The following PTPRO variants were observed in gnomAD, a reference collection of about 807,000 sequenced individuals.
PTPRO encodes protein tyrosine phosphatase receptor type O, also known as receptor-type tyrosine-protein phosphatase O.
Under a neutral mutation model 145.2 loss-of-function variants are expected in PTPRO, and 62 were observed. That is an observed-to-expected ratio of 0.43 (90% CI 0.35 to 0.53). PTPRO has a LOEUF of 0.53. Among genes scored for constraint, PTPRO ranks in the 20% least tolerant of loss-of-function variants. The pLI is 0.01. For missense variants in PTPRO, 1,345 were observed against 1,482.7 expected, an observed-to-expected ratio of 0.91 and a Z score of 1.53; for synonymous variants, 565 against 514.7, an observed-to-expected ratio of 1.10 and a Z score of -1.32.
At chr12:15,453,080 T>A (rs542408527) in intron 1 of PTPRO, among the ~76,000 whole-genome samples, 2 of 152,280 alleles carry the variant, frequency 1.3e-5, no homozygotes, top group South Asian at 4.2e-4. Context: ...AAACCCATCA[T>A]AGAAAATAAT....
intron 1 of PTPRO, among the ~76,000 whole-genome samples, chr12:15,467,409 AGTGTGT>A (rs71042254): frequency 0.021 from 3,088 of 150,100 alleles, 115 homozygotes; most frequent in East Asian, 0.14. Flanking sequence ...GGTAGGGGTG[AGTGTGT>A]GTGTGTGTGT....
At chr12:15,403,830 C>T (rs1329887795) in intron 1 of PTPRO, among the ~76,000 whole-genome samples, 2 of 152,000 alleles carry the variant, frequency 1.3e-5, no homozygotes, top group Non-Finnish European at 2.9e-5. Flanking sequence ...GACACACACA[C>T]ACACACCAGA....
At chr12:15,481,664 A>G (rs550562357) in intron 1 of PTPRO, among the ~76,000 whole-genome samples, 1 of 152,198 alleles carries the variant, frequency 6.6e-6, no homozygotes, top group Non-Finnish European at 1.5e-5. Flanking sequence ...GTCTAGTATG[A>G]TAAGAATATT....
At chr12:15,595,510 G>T in intron 26 of PTPRO, 1 of 177,552 alleles carries the variant, frequency 5.6e-6, no homozygotes, top group Non-Finnish European at 1.2e-5. Context: ...AGAGTCTCAG[G>T]ATAGCAGAGT....
chr12:15,526,201 C>T lies in PTPRO; in HGVS notation c.2103C>T (p.Leu701=), dbSNP rs146556166. The change falls in exon 12 of 27, where the codon CTC becomes CTT. Residue 701 remains leucine (L), a synonymous_variant. Transcript: ENST00000281171. ...TGCCTCCAGGCGACATCTATAACCT[C>T]TCAGTAACTGCTTGTACTGAAAGAG... The part of the protein sequence containing the change: ...LSLPPGDIYN[L]SVTACTERGS... 5.2e-5 allele frequency: 84 copies of T among 1,613,834 alleles called. No homozygotes were observed. The African/African-American group carries it at 8.3e-4, about 16-fold the overall frequency.
intron 1 of PTPRO, among the ~76,000 whole-genome samples, chr12:15,352,978 T>C (rs547600884): frequency 6.6e-6 from 1 of 152,214 alleles, no homozygotes; most frequent in Non-Finnish European, 1.5e-5. Flanking sequence ...GGAAAATATG[T>C]CTTAGGAATA....
intron 17 of PTPRO, among the ~76,000 whole-genome samples, chr12:15,561,624 A>G (rs1943774912): frequency 6.6e-6 from 1 of 152,120 alleles, no homozygotes; most frequent in Non-Finnish European, 1.5e-5. Flanking sequence ...TATTTTCAGT[A>G]TTTGACATCA....
chr12:15,568,428 TCAAAACAAAA>T lies in PTPRO; in HGVS notation c.2748-963_2748-954del, dbSNP rs10524989. On this transcript the variant is annotated intron_variant, in intron 18 of 26. Transcript: ENST00000281171. ...CTGGGTGACAGAGTGAGACTCTGTC[TCAAAACAAAA>T]CAAAACAAAACAAAACAAAACAAAA... Among the ~76,000 whole-genome samples the T allele has an allele frequency of 2.6e-3, 389 of 149,482 alleles. 1 individual carries two copies. Among genetic ancestry groups the T allele is most frequent in the Non-Finnish European group, 4.1e-3 (274 of 67,348 alleles).
At position 15,560,207 on chromosome 12, in the gene PTPRO, T is replaced by A. The variant is rs781629742; in HGVS notation, c.2642T>A (p.Phe881Tyr). 2 of 1,590,704 alleles carry A rather than the reference T, an allele frequency of 1.3e-6. No homozygotes were observed. The highest frequency in any genetic ancestry group is 2.7e-5 in the African/African-American group (2 of 74,434). ...AATGCACACAGGCGTAGGAGTATATTTGCTTTCTTAACCCTGCTACCCTCA... is the reference window on the plus strand; with the variant it reads ...AATGCACACAGGCGTAGGAGTATATATGCTTTCTTAACCCTGCTACCCTCA... Reference protein sequence around the residue: ...KLPYNWRRSIFAFLTLLPSCL... With the variant: ...KLPYNWRRSIYAFLTLLPSCL... The change falls in exon 17 of 27, where the codon TTT (phenylalanine) becomes TAT (tyrosine). Residue 881 changes from phenylalanine to tyrosine, a missense_variant. By Grantham distance (22) the Phe-to-Tyr change is conservative. Transcript: ENST00000281171.
intron 7 of PTPRO, 28 bp downstream of exon 7, chr12:15,508,795 C>T (rs938620948): frequency 1.0e-5 from 16 of 1,606,386 alleles, no homozygotes; most frequent in Admixed American, 1.7e-5. Flanking sequence ...AGAATGGGCT[C>T]GCCGGTCCTT....
intron 17 of PTPRO, among the ~76,000 whole-genome samples, chr12:15,564,351 T>G (rs747483862): frequency 2.6e-5 from 4 of 152,198 alleles, no homozygotes; most frequent in Non-Finnish European, 5.9e-5. Context: ...TAGTATTCAA[T>G]TGTTAAAGGA....
intron 1 of PTPRO, among the ~76,000 whole-genome samples, chr12:15,425,947 G>C (rs1164405730): frequency 6.6e-6 from 1 of 151,614 alleles, no homozygotes; most frequent in Non-Finnish European, 1.5e-5. Flanking sequence ...TTATAAAGTT[G>C]GTTTGTTTTG....
intron 1 of PTPRO, among the ~76,000 whole-genome samples, chr12:15,441,636 C>T (rs1940767450): frequency 6.6e-6 from 1 of 151,844 alleles, no homozygotes; most frequent in Non-Finnish European, 1.5e-5. Context: ...GAGAGAAGAT[C>T]CAAATAAGCA....
chr12:15,495,360 A>G (rs1477905884), intron 2 of PTPRO, among the ~76,000 whole-genome samples: 1 of 149,766 alleles, frequency 6.7e-6, no homozygotes, highest in East Asian at 1.9e-4. Context: ...CAACAAAATA[A>G]AATACATTCA....
In PTPRO at chr12:15,371,235, CTA is replaced by C. The variant is rs1491063174; in HGVS notation, c.75+48436_75+48437del. Among the ~76,000 whole-genome samples the C allele has an allele frequency of 4.9e-4, 70 of 142,182 alleles. 13 individuals carry two copies. The highest frequency in any genetic ancestry group is 6.8e-4 in the Non-Finnish European group (44 of 64,676). The allele number at this position is 142,182 out of a possible 152,430, so 93.3% of individuals were successfully genotyped here. A position where few individuals can be genotyped will look rare whatever the true frequency, so the allele number is the denominator to read the frequency against. On this transcript the variant is annotated intron_variant, in intron 1 of 26. Coordinates refer to ENST00000281171, the MANE Select transcript of PTPRO (RefSeq NM_030667.3). ...AATAAAGAACATAACCTCAAGCTCA[CTA>C]TTTTTTTTTTTTTTAGACCGAGTCT... is the stretch of plus-strand genomic sequence containing the variant.
intron 1 of PTPRO, among the ~76,000 whole-genome samples, chr12:15,462,401 T>C (rs994529521): frequency 2.0e-5 from 3 of 152,170 alleles, no homozygotes; most frequent in Non-Finnish European, 2.9e-5. Context: ...GCTGGGATTG[T>C]AGGTGTGAGC....
chr12:15,431,981 T>C (rs1940452844), intron 1 of PTPRO, among the ~76,000 whole-genome samples: 1 of 152,166 alleles, frequency 6.6e-6, no homozygotes, highest in Admixed American at 6.5e-5. Context: ...GCTTAACAGC[T>C]GTTTTTTGTT....
At chr12:15,453,398 TGA>T (rs1941096966) in intron 1 of PTPRO, among the ~76,000 whole-genome samples, 1 of 152,170 alleles carries the variant, frequency 6.6e-6, no homozygotes, top group South Asian at 2.1e-4. Flanking sequence ...GAATTTATAT[TGA>T]GTCTTAACAG....
chr12:15,557,993 A>G (rs369197258), intron 16 of PTPRO, among the ~76,000 whole-genome samples: 1 of 152,018 alleles, frequency 6.6e-6, no homozygotes, highest in African/African-American at 2.4e-5. Flanking sequence ...GCTGGAGTGC[A>G]GGATGATCTC....
Sources: allele counts gnomAD v4.1 joint callset (sites outside exome capture counted in the v4.1 genomes callset), GRCh38; gene constraint gnomAD v4.1.1; transcripts MANE v1.5; gene names NCBI Gene and HGNC (gene_info 2026-07-23, HGNC 2026-07-21).